The following SLC4A7 variants were observed in gnomAD, a reference collection of about 807,000 sequenced individuals.
SLC4A7 encodes the protein solute carrier family 4 member 7.
Under a neutral mutation model 137.6 loss-of-function variants are expected in SLC4A7, and 51 were observed. The ratio of observed to expected loss-of-function variants is 0.37; its 90% CI spans 0.30 to 0.47. The LOEUF is 0.47. Ranked by LOEUF, SLC4A7 falls within the 20% of genes least tolerant of loss-of-function variation. The probability of loss-of-function intolerance (pLI) is 1.00; values close to 1 mark genes in which losing one functional copy is unlikely to be tolerated. For synonymous variants in SLC4A7, 542 were observed against 518.6 expected, an observed-to-expected ratio of 1.05 and a Z score of -0.61; for missense variants, 1,247 against 1,525.4, an observed-to-expected ratio of 0.82 and a Z score of 3.04.
chr3:27,461,759 A>G (rs943063245), intron 1 of SLC4A7, among the ~76,000 whole-genome samples: 8 of 151,656 alleles, frequency 5.3e-5, no homozygotes, highest in Non-Finnish European at 1.0e-4. Flanking sequence ...CAGGAGTTTG[A>G]GACTAGGCTG....
chr3:27,421,272 G>A lies in SLC4A7; in HGVS notation c.1424+350C>T, dbSNP rs145231250. ...CCCAATACTTTGGGAGGCCAAGACA[G>A]GCAGATCACTTAAGTAGGAGTTCGA... On this transcript the variant is annotated intron_variant, in intron 9 of 25. Transcript: ENST00000454389. 2.4e-3 allele frequency among the ~76,000 whole-genome samples: 361 copies of A among 152,052 alleles called. 2 individuals are homozygous for A. The highest frequency in any genetic ancestry group is 8.5e-3 in the African/African-American group (351 of 41,536).
At chr3:27,426,631 C>G (rs2055657318) in intron 7 of SLC4A7, among the ~76,000 whole-genome samples, 1 of 152,154 alleles carries the variant, frequency 6.6e-6, no homozygotes, top group Admixed American at 6.5e-5. Context: ...GATATGCCAG[C>G]AATGAGAAGA....
chr3:27,462,545 A>G (rs1369928128), intron 1 of SLC4A7: 1 of 152,668 alleles, frequency 6.6e-6, no homozygotes, highest in African/African-American at 2.4e-5. Flanking sequence ...AATTATGCTA[A>G]GCAGTCGCAA....
At chr3:27,464,207 T>C (rs1226921105) in intron 1 of SLC4A7, among the ~76,000 whole-genome samples, 2 of 152,200 alleles carry the variant, frequency 1.3e-5, no homozygotes, top group African/African-American at 4.8e-5. Flanking sequence ...TATCACATTG[T>C]CATGTTTTCG....
chr3:27,415,899 G>A (rs2054334372), intron 11 of SLC4A7, among the ~76,000 whole-genome samples: 1 of 152,180 alleles, frequency 6.6e-6, no homozygotes, highest in Admixed American at 6.5e-5. Context: ...CTACAGTGAC[G>A]ACTTTACGTT....
At chr3:27,481,122 C>T (rs1033875841) in intron 1 of SLC4A7, among the ~76,000 whole-genome samples, 2 of 152,028 alleles carry the variant, frequency 1.3e-5, no homozygotes, top group African/African-American at 4.8e-5. Flanking sequence ...CTAAACCATG[C>T]TATTTATAAA....
At chr3:27,410,650 G>A (rs1042414853) in intron 12 of SLC4A7, among the ~76,000 whole-genome samples, 10 of 152,162 alleles carry the variant, frequency 6.6e-5, no homozygotes, top group Non-Finnish European at 1.2e-4. Flanking sequence ...AGGGCATACA[G>A]ATGCTCTCAG....
At chr3:27,456,462 A>T (rs1300810297) in intron 1 of SLC4A7, among the ~76,000 whole-genome samples, 1 of 152,222 alleles carries the variant, frequency 6.6e-6, no homozygotes, top group Non-Finnish European at 1.5e-5. Context: ...AAGAATAAAG[A>T]TGCTACAATT....
rs73151853 is a variant in SLC4A7 at position 27,456,685 on chromosome 3, G to A, written c.61-4187C>T. ...CTTCTCCAGACGAAATCTTTCCATA[G>A]TAATATAGAAATGCCTTGTTTCTGA... On this transcript the variant is annotated intron_variant, in intron 1 of 25. Transcript: ENST00000454389. The A allele has an allele frequency of 1.5e-4, 237 of 1,610,426 alleles. 1 individual carries two copies. The East Asian group carries it at 5.0e-3, about 34-fold the overall frequency.
chr3:27,456,894 A>C, intron 1 of SLC4A7: 1 of 1,355,638 alleles, frequency 7.4e-7, no homozygotes, highest in South Asian at 2.0e-5. Flanking sequence ...ACAGCATAAC[A>C]GATTTGGAAA....
chr3:27,402,171 T>C (rs1287692946), intron 15 of SLC4A7, among the ~76,000 whole-genome samples: 1 of 152,228 alleles, frequency 6.6e-6, no homozygotes, highest in African/African-American at 2.4e-5. Context: ...TGCAGTTCCA[T>C]ATTTACGCCA....
At chr3:27,467,187 C>T (rs2059045336) in intron 1 of SLC4A7, among the ~76,000 whole-genome samples, 1 of 152,072 alleles carries the variant, frequency 6.6e-6, no homozygotes, top group Non-Finnish European at 1.5e-5. Flanking sequence ...TTCACTGGGC[C>T]ACTTACAAAC....
chr3:27,394,918 A>G, intron 19 of SLC4A7, 36 bp downstream of exon 19: 1 of 1,562,916 alleles, frequency 6.4e-7, no homozygotes. Context: ...AAACCCTTGA[A>G]GAATCACAAT....
At chr3:27,407,728 T>A (rs2053523853) in intron 13 of SLC4A7, among the ~76,000 whole-genome samples, 1 of 152,164 alleles carries the variant, frequency 6.6e-6, no homozygotes, top group Non-Finnish European at 1.5e-5. Flanking sequence ...TCTGTGTGTC[T>A]AATTTGCTGA....
At chr3:27,461,408 C>A (rs182174406) in intron 1 of SLC4A7, among the ~76,000 whole-genome samples, 1 of 151,236 alleles carries the variant, frequency 6.6e-6, no homozygotes, top group Admixed American at 6.6e-5. Flanking sequence ...CAAAAAAAAA[C>A]AAAAACAAAA....
At position 27,373,590 on chromosome 3, in the gene SLC4A7, T is replaced by A. The variant is rs2049706679; in HGVS notation, c.*3174A>T. On this transcript the variant is annotated 3_prime_UTR_variant, in exon 26 of 26. Coordinates refer to ENST00000454389, the MANE Select transcript of SLC4A7 (RefSeq NM_001321103.2). ...AAACAGGATTCACATGTTAAACTGC[T>A]GAGCACATTTATAGAACTGATGTAC... is the stretch of plus-strand genomic sequence containing the variant. 1 of 152,170 alleles carries A rather than the reference T, an allele frequency of 6.6e-6. No homozygotes were observed. The allele number at this position is 152,170 out of a possible 1,614,324, so 9.4% of individuals were successfully genotyped here. A position where few individuals can be genotyped will look rare whatever the true frequency, so the allele number is the denominator to read the frequency against.
In SLC4A7 at chr3:27,448,118, A is replaced by G. The variant is rs182762232; in HGVS notation, c.289+533T>C. ...TCTCAGCTACTTGGGAGGCTGAGGCACAAGAATCGCTTGAACCCTGGAGGC... is the reference window on the plus strand; with the variant it reads ...TCTCAGCTACTTGGGAGGCTGAGGCGCAAGAATCGCTTGAACCCTGGAGGC... On this transcript the variant is annotated intron_variant, in intron 3 of 25. Coordinates refer to ENST00000454389, the MANE Select transcript of SLC4A7 (RefSeq NM_001321103.2). 9.8e-4 allele frequency among the ~76,000 whole-genome samples: 148 copies of G among 151,736 alleles called. No homozygotes were observed. The Middle Eastern group carries it at 0.01, about 11-fold the overall frequency.
chr3:27,437,934 T>C (rs2056866602), intron 3 of SLC4A7, among the ~76,000 whole-genome samples: 1 of 152,198 alleles, frequency 6.6e-6, no homozygotes, highest in Non-Finnish European at 1.5e-5. Flanking sequence ...ACTGTGGCTA[T>C]GCCTGTAATC....
chr3:27,420,635 C>G (rs926532322), intron 10 of SLC4A7, 65 bp downstream of exon 10: 4 of 965,466 alleles, frequency 4.1e-6, no homozygotes, highest in African/African-American at 1.7e-5. Flanking sequence ...GAACTGTAAT[C>G]TAATATATAC....
Sources: gnomAD v4.1 joint callset for allele counts (sites outside exome capture counted in the v4.1 genomes callset) on GRCh38, gnomAD v4.1.1 for gene constraint, MANE v1.5 for transcripts, NCBI Gene and HGNC (gene_info 2026-07-23, HGNC 2026-07-21) for gene names.